Variants in LUZP2 observed in about 807,000 individuals in gnomAD.
LUZP2 encodes leucine zipper protein 2.
In LUZP2, 52 loss-of-function variants were observed where a neutral mutation model predicts 51.6. The ratio of observed to expected loss-of-function variants is 1.01; its 90% confidence interval spans 0.81 to 1.27. The LOEUF is 1.27. LUZP2 is among the 50% of genes most tolerant of loss of function. The pLI, the probability that LUZP2 is intolerant of heterozygous loss-of-function variation, is 0.00. For synonymous variants in LUZP2, 154 were observed against 137.3 expected, an observed-to-expected ratio of 1.12 and a Z score of -0.85; for missense variants, 436 against 395.4, an observed-to-expected ratio of 1.10 and a Z score of -0.87.
chr11:25,058,184 A>T (rs1858741762), intron 10 of LUZP2, among the ~76,000 whole-genome samples: 1 of 152,132 alleles, frequency 6.6e-6, no homozygotes, highest in Non-Finnish European at 1.5e-5. Context: ...AGAAGCAGGA[A>T]TCCCTCCAAA....
chr11:24,741,307 A>G (rs1394659959), intron 4 of LUZP2, among the ~76,000 whole-genome samples: 1 of 152,062 alleles, frequency 6.6e-6, no homozygotes, highest in African/African-American at 2.4e-5. Context: ...GGGGCAACAC[A>G]GTGATATTTT....
intron 1 of LUZP2, among the ~76,000 whole-genome samples, chr11:24,691,943 A>G (rs768002276): frequency 1.3e-5 from 2 of 152,078 alleles, no homozygotes; most frequent in African/African-American, 2.4e-5. Flanking sequence ...ATGACAGAAT[A>G]GGAATATTCT....
chr11:24,770,771 T>C (rs1334489337), intron 5 of LUZP2, among the ~76,000 whole-genome samples: 1 of 152,206 alleles, frequency 6.6e-6, no homozygotes, highest in East Asian at 1.9e-4. Flanking sequence ...AAGAAAGGAA[T>C]TTATTAATTC....
intron 1 of LUZP2, among the ~76,000 whole-genome samples, chr11:24,633,667 G>C (rs1207502776): frequency 6.6e-6 from 1 of 151,844 alleles, no homozygotes; most frequent in Non-Finnish European, 1.5e-5. Context: ...AAGTTTTATA[G>C]AGAAAATATA....
intron 1 of LUZP2, among the ~76,000 whole-genome samples, chr11:24,699,015 C>A (rs1484529773): frequency 6.6e-6 from 1 of 151,494 alleles, no homozygotes; most frequent in African/African-American, 2.4e-5. Flanking sequence ...AGTGATTGCC[C>A]CATTGCACTC....
chr11:24,925,062 C>T (rs1854186440), intron 7 of LUZP2, among the ~76,000 whole-genome samples: 1 of 152,034 alleles, frequency 6.6e-6, no homozygotes, highest in Non-Finnish European at 1.5e-5. Flanking sequence ...TTTTTTCCCA[C>T]AATAGACAGC....
intron 4 of LUZP2, among the ~76,000 whole-genome samples, chr11:24,753,068 G>T (rs935333916): frequency 2.0e-5 from 3 of 151,738 alleles, no homozygotes; most frequent in East Asian, 1.9e-4. Context: ...CTATATACTC[G>T]CAAACAAAAT....
chr11:24,896,013 CTATT>C (rs776713611), intron 5 of LUZP2, among the ~76,000 whole-genome samples: 33 of 152,194 alleles, frequency 2.2e-4, no homozygotes, highest in Non-Finnish European at 4.6e-4. Flanking sequence ...TGTTTTTTGA[CTATT>C]TAACTACAGC....
chr11:24,560,645 A>G (rs1214697834), intron 1 of LUZP2, among the ~76,000 whole-genome samples: 1 of 152,164 alleles, frequency 6.6e-6, no homozygotes, highest in Non-Finnish European at 1.5e-5. Context: ...ATCGTTTGGT[A>G]TAGGGTTCTC....
At chr11:24,666,673 C>A (rs974202409) in intron 1 of LUZP2, among the ~76,000 whole-genome samples, 5 of 152,106 alleles carry the variant, frequency 3.3e-5, no homozygotes, top group Admixed American at 3.3e-4. Flanking sequence ...AAGAGAGGTT[C>A]CTCCAGAGAT....
chr11:24,531,077 A>G (rs181718242), intron 1 of LUZP2, among the ~76,000 whole-genome samples: 2 of 114,640 alleles, frequency 1.7e-5, no homozygotes, highest in African/African-American at 9.7e-5. Context: ...TGCCAGTGGA[A>G]TTAACTTTAA....
intron 1 of LUZP2, among the ~76,000 whole-genome samples, chr11:24,617,265 G>A (rs565649244): frequency 6.6e-5 from 10 of 150,926 alleles, no homozygotes; most frequent in South Asian, 2.1e-4. Context: ...TATTTGTTGA[G>A]TTTTTAACTT....
chr11:24,550,082 A>G (rs1564985009), intron 1 of LUZP2, among the ~76,000 whole-genome samples: 1 of 152,056 alleles, frequency 6.6e-6, no homozygotes, highest in Non-Finnish European at 1.5e-5. Context: ...TGAAATCTTT[A>G]CATGGCTTGG....
At chr11:24,544,483 C>G (rs1851479998) in intron 1 of LUZP2, among the ~76,000 whole-genome samples, 1 of 152,046 alleles carries the variant, frequency 6.6e-6, no homozygotes, top group Non-Finnish European at 1.5e-5. Context: ...TTGTACCCTA[C>G]TATGTGTCCA....
chr11:24,718,334 A>T (rs565184265), intron 1 of LUZP2, among the ~76,000 whole-genome samples: 4 of 152,316 alleles, frequency 2.6e-5, no homozygotes, highest in African/African-American at 9.6e-5. Flanking sequence ...GAGAAGCTAG[A>T]CCAAAAAGCT....
At chr11:25,072,312 A>C (rs1013456625) in intron 10 of LUZP2, among the ~76,000 whole-genome samples, 10 of 152,094 alleles carry the variant, frequency 6.6e-5, no homozygotes, top group Middle Eastern at 3.2e-3. Flanking sequence ...ACCTCCACTG[A>C]CATCAAAGTC....
intron 9 of LUZP2, among the ~76,000 whole-genome samples, chr11:24,999,054 A>C (rs1856596085): frequency 6.6e-6 from 1 of 152,154 alleles, no homozygotes; most frequent in South Asian, 2.1e-4. Context: ...ATAATGATCT[A>C]ATGCAACACA....
intron 1 of LUZP2, among the ~76,000 whole-genome samples, chr11:24,702,552 G>A (rs1412608352): frequency 6.6e-6 from 1 of 152,144 alleles, no homozygotes; most frequent in Non-Finnish European, 1.5e-5. Flanking sequence ...TATGGTGAGA[G>A]CAGGAACCAG....
At chr11:24,537,948 C>T (rs1375889454) in intron 1 of LUZP2, among the ~76,000 whole-genome samples, 1 of 151,756 alleles carries the variant, frequency 6.6e-6, no homozygotes, top group East Asian at 1.9e-4. Context: ...CAGTATTGAG[C>T]TATTTGTGTT....
Sources: gnomAD v4.1 joint callset for allele counts (sites outside exome capture counted in the v4.1 genomes callset) on GRCh38, gnomAD v4.1.1 for gene constraint, MANE v1.5 for transcripts, NCBI Gene and HGNC (gene_info 2026-07-23, HGNC 2026-07-21) for gene names.